Variants in DENND2A observed in about 807,000 individuals in gnomAD.
DENND2A encodes the protein DENN domain containing 2A.
DENND2A carries 53 observed loss-of-function variants against 105.3 expected under a neutral mutation model. That is an observed-to-expected ratio of 0.50 (90% CI 0.40 to 0.63). The LOEUF (loss-of-function observed/expected upper bound fraction) is 0.63, where lower values mean the gene tolerates loss of function less well. DENND2A is among the 30% of genes least tolerant of loss of function. DENND2A has a pLI of 0.00. For missense variants in DENND2A, 1,138 were observed against 1,279.6 expected (o/e 0.89, Z 1.69); for synonymous variants, 522 against 508.4 (o/e 1.03, Z -0.36).
chr7:140,549,913 A>G (rs1013692971), intron 12 of DENND2A, among the ~76,000 whole-genome samples: 1 of 152,232 alleles, frequency 6.6e-6, no homozygotes, highest in Non-Finnish European at 1.5e-5. Flanking sequence ...AAAATGTTGT[A>G]CATACATACA....
chr7:140,576,126 T>C (rs369867899), intron 5 of DENND2A, among the ~76,000 whole-genome samples: 2 of 152,020 alleles, frequency 1.3e-5, no homozygotes, highest in African/African-American at 2.4e-5. Context: ...ATGTTCTTTG[T>C]TTATCTTTTA....
intron 5 of DENND2A, among the ~76,000 whole-genome samples, chr7:140,578,464 T>C (rs1352759760): frequency 6.6e-6 from 1 of 152,154 alleles, no homozygotes; most frequent in East Asian, 1.9e-4. Context: ...TCATTCCTAC[T>C]CTTAGGAGAC....
chr7:140,568,662 C>G (rs1475039005), intron 8 of DENND2A, 101 bp downstream of exon 8: 7 of 1,268,322 alleles, frequency 5.5e-6, no homozygotes, highest in Non-Finnish European at 8.0e-6. Flanking sequence ...GCCAAGCAAG[C>G]TCCGGCAGGA....
chr7:140,571,980 A>ATCTCTC (rs58273598), intron 6 of DENND2A, among the ~76,000 whole-genome samples: 1 of 148,948 alleles, frequency 6.7e-6, no homozygotes, highest in East Asian at 2.0e-4. Context: ...CAGCAGAACC[A>ATCTCTC]TCTCTCTCTC....
In DENND2A at chr7:140,628,393, T is replaced by C. The variant is rs545235564; in HGVS notation, c.-248+12111A>G. Among the ~76,000 whole-genome samples, 3 of 152,324 alleles carry C rather than the reference T, an allele frequency of 2.0e-5. No individual in the cohort carries two copies. In the East Asian group the frequency reaches 5.8e-4, roughly 29 times the overall value. On this transcript the variant is annotated intron_variant, in intron 1 of 19. Transcript: ENST00000496613. ...TCAGACCAGCGCAGCTTGCTCTGCC[T>C]GACCTGAGACCCTACTTCTGTTTGT...
At chr7:140,579,995 A>G (rs528337766) in intron 5 of DENND2A, among the ~76,000 whole-genome samples, 129 of 152,208 alleles carry the variant, frequency 8.5e-4, no homozygotes, top group African/African-American at 3.1e-3. Flanking sequence ...TTAGCTGGGC[A>G]TGGTGGTGGA....
chr7:140,637,248 C>A (rs187559029), intron 1 of DENND2A, among the ~76,000 whole-genome samples: 1 of 152,252 alleles, frequency 6.6e-6, no homozygotes, highest in Admixed American at 6.5e-5. Context: ...CTAATGCACA[C>A]CCCAAGATTA....
At chr7:140,565,897 C>T (rs561524570) in intron 9 of DENND2A, among the ~76,000 whole-genome samples, 1 of 152,284 alleles carries the variant, frequency 6.6e-6, no homozygotes, top group East Asian at 1.9e-4. Flanking sequence ...CTGCTACACT[C>T]CCACCAGCAT....
rs150826306 is a variant in DENND2A at position 140,547,243 on chromosome 7, A to G, written c.2038-304T>C. Among the ~76,000 whole-genome samples the G allele has an allele frequency of 4.9e-3, 739 of 152,336 alleles. 3 individuals are homozygous for G. Among genetic ancestry groups the G allele is most frequent in the South Asian group, 0.024 (116 of 4,826 alleles). On this transcript the variant is annotated intron_variant, in intron 12 of 19. Coordinates refer to ENST00000496613, the MANE Select transcript of DENND2A (RefSeq NM_015689.5). ...GGTTGTACTAATACATGCATTCTCA[A>G]TGAAGGTAATATAACCCCAAGGGGG...
intron 18 of DENND2A, among the ~76,000 whole-genome samples, chr7:140,520,044 C>A (rs925882471): frequency 1.2e-4 from 18 of 152,150 alleles, no homozygotes; most frequent in Non-Finnish European, 2.9e-5. Context: ...TGGTTCACGC[C>A]TGTAATCCCA....
chr7:140,597,804 T>C (rs1191304315), intron 3 of DENND2A, among the ~76,000 whole-genome samples: 2 of 152,196 alleles, frequency 1.3e-5, no homozygotes, highest in South Asian at 2.1e-4. Flanking sequence ...GAAGGGCTGC[T>C]GTGGGAAGCA....
Position 140,594,406 on chromosome 7 carries a change from A to G in DENND2A, c.996-6626T>C, listed in dbSNP as rs545377854. Among the ~76,000 whole-genome samples, 9 of 152,198 alleles carry G rather than the reference A, an allele frequency of 5.9e-5. No individual in the cohort carries two copies. In the South Asian group the frequency reaches 1.9e-3, roughly 32 times the overall value. Reference sequence around the variant, plus strand: ...GACATGATGCAGTCTTTCCTGTCTCAGGGCTTTCACCTATTAGTTCACTCA... The same window carrying G: ...GACATGATGCAGTCTTTCCTGTCTCGGGGCTTTCACCTATTAGTTCACTCA... On this transcript the variant is annotated intron_variant, in intron 3 of 19. Coordinates refer to ENST00000496613, the MANE Select transcript of DENND2A (RefSeq NM_015689.5).
chr7:140,637,360 C>A (rs1215401327), intron 1 of DENND2A, among the ~76,000 whole-genome samples: 1 of 152,204 alleles, frequency 6.6e-6, no homozygotes, highest in Non-Finnish European at 1.5e-5. Context: ...GTTTAAAGGG[C>A]ACATTAGCAA....
intron 1 of DENND2A, among the ~76,000 whole-genome samples, chr7:140,623,601 G>A (rs1299269970): frequency 1.3e-5 from 2 of 151,620 alleles, no homozygotes; most frequent in Non-Finnish European, 2.9e-5. Flanking sequence ...GGTGGCGGGC[G>A]CCTGTAATCC....
At chr7:140,552,707 G>T (rs4725750) in intron 12 of DENND2A, among the ~76,000 whole-genome samples, 79,421 of 151,852 alleles carry the variant, frequency 0.52, 21,851 homozygotes, top group East Asian at 0.84. Context: ...CTTCTTTTGT[G>T]TTTTATTTTT....
intron 1 of DENND2A, among the ~76,000 whole-genome samples, chr7:140,608,700 T>C (rs959372273): frequency 1.3e-5 from 2 of 151,892 alleles, no homozygotes; most frequent in East Asian, 3.9e-4. Flanking sequence ...AAATCATTAA[T>C]TAAGTAACGA....
At chr7:140,632,401 G>T (rs763886898) in intron 1 of DENND2A, among the ~76,000 whole-genome samples, 1 of 152,054 alleles carries the variant, frequency 6.6e-6, no homozygotes, top group Non-Finnish European at 1.5e-5. Context: ...TAGACAGAGG[G>T]GTGGTACCAA....
chr7:140,630,196 G>A (rs368324723), intron 1 of DENND2A, among the ~76,000 whole-genome samples: 6 of 151,278 alleles, frequency 4.0e-5, no homozygotes, highest in East Asian at 3.9e-4. Context: ...CTGCAGCCTC[G>A]ACCTCTTGTG....
At chr7:140,531,675 C>T (rs915723611) in intron 14 of DENND2A, among the ~76,000 whole-genome samples, 9 of 151,540 alleles carry the variant, frequency 5.9e-5, no homozygotes, top group African/African-American at 2.2e-4. Context: ...ACGAGTCGGG[C>T]ATGGTGGCGT....
Sources: gnomAD v4.1 joint callset for allele counts (sites outside exome capture counted in the v4.1 genomes callset) on GRCh38, gnomAD v4.1.1 for gene constraint, MANE v1.5 for transcripts, NCBI Gene and HGNC (gene_info 2026-07-23, HGNC 2026-07-21) for gene names.